The following RAPGEF4 variants were observed in gnomAD, a reference collection of about 807,000 sequenced individuals.
RAPGEF4 encodes Rap guanine nucleotide exchange factor 4.
Under a neutral mutation model 147.9 loss-of-function variants are expected in RAPGEF4, and 66 were observed. The ratio of observed to expected loss-of-function variants is 0.45; its 90% CI spans 0.37 to 0.55. RAPGEF4 has a LOEUF of 0.55. RAPGEF4 is among the 20% of genes least tolerant of loss of function. The pLI, the probability that RAPGEF4 is intolerant of heterozygous loss-of-function variation, is 0.00. For synonymous variants in RAPGEF4, 419 were observed against 442.7 expected (o/e 0.95, Z 0.67); for missense variants, 1,071 against 1,257.3 (o/e 0.85, Z 2.24).
chr2:172,802,396 A>G (rs1038210258), intron 3 of RAPGEF4, among the ~76,000 whole-genome samples: 8 of 152,332 alleles, frequency 5.3e-5, no homozygotes, highest in African/African-American at 1.9e-4. Flanking sequence ...GGATGGCAGC[A>G]GGCAAAGAGA....
At chr2:172,784,628 T>A (rs1214281886) in intron 1 of RAPGEF4, among the ~76,000 whole-genome samples, 1 of 152,132 alleles carries the variant, frequency 6.6e-6, no homozygotes, top group Admixed American at 6.5e-5. Context: ...TGGAAAAACT[T>A]GTAATTAGGA....
At chr2:172,928,370 A>G in intron 6 of RAPGEF4, 1 of 233,480 alleles carries the variant, frequency 4.3e-6, no homozygotes, top group Non-Finnish European at 8.0e-6. Context: ...ATTTTTAGGA[A>G]TGACGTGTAG....
chr2:173,037,696 G>C (rs1684222078), intron 29 of RAPGEF4, among the ~76,000 whole-genome samples: 1 of 152,136 alleles, frequency 6.6e-6, no homozygotes. Flanking sequence ...ATTGCAGTGT[G>C]AATGTGGCGC....
chr2:172,777,159 G>T (rs919060403), intron 1 of RAPGEF4, among the ~76,000 whole-genome samples: 4 of 152,070 alleles, frequency 2.6e-5, no homozygotes, highest in African/African-American at 7.2e-5. Context: ...CTAGCTCTTG[G>T]GCTACAGTAG....
intron 4 of RAPGEF4, among the ~76,000 whole-genome samples, chr2:172,898,648 T>C (rs1271931959): frequency 1.3e-5 from 2 of 152,134 alleles, no homozygotes; most frequent in Non-Finnish European, 2.9e-5. Flanking sequence ...AACAAGAATG[T>C]CCTGGAGGGA....
At chr2:172,737,530 C>T (rs1022087670) in intron 1 of RAPGEF4, among the ~76,000 whole-genome samples, 1 of 151,980 alleles carries the variant, frequency 6.6e-6, no homozygotes, top group Non-Finnish European at 1.5e-5. Context: ...ACTGGAAACC[C>T]GTTAGTCAAT....
In RAPGEF4 at chr2:172,779,418, G is replaced by A. The variant is rs557339796; in HGVS notation, c.66-15607G>A. Among the ~76,000 whole-genome samples the A allele has an allele frequency of 3.3e-5, 5 of 152,254 alleles. No individual in the cohort carries two copies. The South Asian group carries it at 1.0e-3, about 32-fold the overall frequency. On this transcript the variant is annotated intron_variant, in intron 1 of 30. Transcript: ENST00000397081. The stretch of plus-strand genomic sequence containing the variant: ...AGCTGGGCAGATATCTGGGGAAATA[G>A]TATCCCTGGCAGAAGGAATAGTTGT...
chr2:173,042,022 A>T lies in RAPGEF4; in HGVS notation c.2853+5330A>T, dbSNP rs1416318073. Among the ~76,000 whole-genome samples, 2 of 152,088 alleles carry T rather than the reference A, an allele frequency of 1.3e-5. No individual in the cohort carries two copies. Among genetic ancestry groups the T allele is most frequent in the Admixed American group, 1.3e-4 (2 of 15,276 alleles). Reference sequence around the variant, plus strand: ...CGTGTAACACCGTTCTGCGACACCCAGCACTCTCCAACACAACCTTGCCTT... The same window carrying T: ...CGTGTAACACCGTTCTGCGACACCCTGCACTCTCCAACACAACCTTGCCTT... On this transcript the variant is annotated intron_variant, in intron 29 of 30. Coordinates refer to ENST00000397081, the MANE Select transcript of RAPGEF4 (RefSeq NM_007023.4). The surrounding 1 kb of genome is among the most constrained non-coding windows in gnomAD (Gnocchi z 4.2).
At chr2:173,046,105 G>A (rs1397481986) in intron 29 of RAPGEF4, among the ~76,000 whole-genome samples, 3 of 152,160 alleles carry the variant, frequency 2.0e-5, no homozygotes, top group African/African-American at 4.8e-5. Context: ...ACCTCACAAA[G>A]GAAAAGAATG....
At chr2:173,009,965 A>G (rs1694852265) in intron 17 of RAPGEF4, among the ~76,000 whole-genome samples, 1 of 152,242 alleles carries the variant, frequency 6.6e-6, no homozygotes, top group African/African-American at 2.4e-5. Flanking sequence ...GCATAAAGAA[A>G]GTAATGTTAA....
intron 4 of RAPGEF4, among the ~76,000 whole-genome samples, chr2:172,875,365 G>A (rs1166278207): frequency 6.6e-6 from 1 of 152,142 alleles, no homozygotes; most frequent in African/African-American, 2.4e-5. Context: ...TTCTTCTAGG[G>A]TTTTTATGGT....
rs1405929483 is a variant in RAPGEF4 at position 173,018,687 on chromosome 2, C to G, written c.2040C>G (p.Thr680=). Residue 680 remains threonine (T), a synonymous_variant, in exon 22 of 31, where the codon ACC becomes ACG. Transcript: ENST00000397081. ...TTAAGGTCTATTGCATGGACCACAC[C>G]TACACAACCATTCGGGTGCCAGTGG... ...VLFKVYCMDH[T]YTTIRVPVAT... The G allele has an allele frequency of 6.2e-7, 1 of 1,614,108 alleles. No individual in the cohort carries two copies. The highest frequency in any genetic ancestry group is 2.2e-5 in the East Asian group (1 of 44,874).
chr2:172,926,168 A>G (rs929865476), intron 6 of RAPGEF4, among the ~76,000 whole-genome samples: 5 of 152,190 alleles, frequency 3.3e-5, no homozygotes, highest in Non-Finnish European at 7.3e-5. Flanking sequence ...TGATTGTTAA[A>G]GGAATTCTCT....
At chr2:172,996,410 T>A in intron 15 of RAPGEF4, 56 bp from the exon 16 acceptor site, 2 of 1,074,016 alleles carry the variant, frequency 1.9e-6, no homozygotes, top group Non-Finnish European at 2.7e-6. Context: ...AGTAAAAGTT[T>A]TTTTAATGAT....
intron 5 of RAPGEF4, chr2:172,918,092 G>A (rs1015687198): frequency 3.5e-5 from 25 of 712,064 alleles, no homozygotes; most frequent in African/African-American, 2.8e-4. Flanking sequence ...GTATGCTCTG[G>A]TGCCAGCTGG....
chr2:172,968,844 AC>A (rs1690148703), intron 10 of RAPGEF4, among the ~76,000 whole-genome samples: 1 of 152,252 alleles, frequency 6.6e-6, no homozygotes, highest in East Asian at 1.9e-4. Context: ...TCAGATGAAC[AC>A]CACCATTTTA....
intron 10 of RAPGEF4, 134 bp from the exon 11 acceptor site, chr2:172,983,362 C>A: frequency 1.4e-6 from 2 of 1,461,462 alleles, no homozygotes; most frequent in South Asian, 1.5e-5. Flanking sequence ...ACTGGTGCAA[C>A]CTCTCCCTCC....
intron 1 of RAPGEF4, among the ~76,000 whole-genome samples, chr2:172,773,807 TG>T (rs1053363849): frequency 3.3e-5 from 5 of 151,984 alleles, no homozygotes; most frequent in African/African-American, 1.2e-4. Context: ...CCTGATATCC[TG>T]GGGAAGGAAA....
rs772321262 is a variant in RAPGEF4 at position 172,988,747 on chromosome 2, A to C, written c.1282A>C (p.Asn428His). 1.2e-6 allele frequency: 2 copies of C among 1,612,072 alleles called. No individual in the cohort carries two copies. The highest frequency in any genetic ancestry group is 1.7e-6 in the Non-Finnish European group (2 of 1,178,232). Reference protein sequence around the residue: ...GDDFGKLALVNDAPRAASIVL... With the variant: ...GDDFGKLALVHDAPRAASIVL... The stretch of plus-strand genomic sequence containing the variant: ...TGACTTCGGCAAGTTAGCACTAGTG[A>C]ATGATGCCCCACGAGCTGCCTCTAT... Residue 428 changes from asparagine (N) to histidine (H), a missense_variant, in exon 14 of 31, where the codon AAT becomes CAT. Transcript: ENST00000397081.
Sources: allele counts gnomAD v4.1 joint callset (sites outside exome capture counted in the v4.1 genomes callset), GRCh38; gene constraint gnomAD v4.1.1; non-coding constraint Gnocchi (gnomAD v3.1); transcripts MANE v1.5; gene names NCBI Gene and HGNC (gene_info 2026-07-23, HGNC 2026-07-21).